The following C2orf15 variants were observed in gnomAD, a reference collection of about 807,000 sequenced individuals.
C2orf15 encodes uncharacterized protein C2orf15.
Under a neutral mutation model 4.4 loss-of-function variants are expected in C2orf15, and 3 were observed. The ratio of observed to expected loss-of-function variants is 0.67; its 90% CI spans 0.31 to 1.74. The LOEUF (loss-of-function observed/expected upper bound fraction) is 1.74, where lower values mean the gene tolerates loss of function less well. Among genes scored for constraint, C2orf15 ranks in the 40% most tolerant of loss-of-function variants. The pLI is 0.09. For synonymous variants in C2orf15, 37 were observed against 36.8 expected (o/e 1.00, Z -0.02); for missense variants, 90 against 103.3 (o/e 0.87, Z 0.56).
At chr2:99,150,262 G>T (rs914149144) in intron 3 of C2orf15, among the ~76,000 whole-genome samples, 2 of 152,166 alleles carry the variant, frequency 1.3e-5, no homozygotes, top group African/African-American at 4.8e-5. Context: ...TCTGAAAGGT[G>T]ATAAAACATA....
chr2:99,147,185 G>T, intron 2 of C2orf15: 1 of 365,838 alleles, frequency 2.7e-6, no homozygotes, highest in Non-Finnish European at 4.8e-6. Flanking sequence ...TTTTCTGATA[G>T]GGATGAGGTC....
At chr2:99,144,979 C>T (rs1184561740) in intron 2 of C2orf15, among the ~76,000 whole-genome samples, 1 of 152,156 alleles carries the variant, frequency 6.6e-6, no homozygotes, top group African/African-American at 2.4e-5. Context: ...AACAATTTAC[C>T]ACACACTTGG....
intron 3 of C2orf15, among the ~76,000 whole-genome samples, chr2:99,149,841 G>A (rs1331536824): frequency 1.4e-5 from 2 of 147,780 alleles, no homozygotes; most frequent in Non-Finnish European, 3.0e-5. Flanking sequence ...CGCCCAGGCT[G>A]GAGTGCAGTG....
intron 2 of C2orf15, among the ~76,000 whole-genome samples, chr2:99,145,212 C>T (rs2093619908): frequency 6.6e-6 from 1 of 152,114 alleles, no homozygotes; most frequent in Non-Finnish European, 1.5e-5. Context: ...CAGTCAAGTC[C>T]TCCTCACATT....
rs560327126 is a variant in C2orf15 at position 99,148,420 on chromosome 2, A to T, written c.-77+927A>T. ...AAAAAATTTAGCTAAGTTGTATTTG[A>T]GTCCCAGAAAGCCAAATATATACTA... On this transcript the variant is annotated intron_variant, in intron 3 of 3. Coordinates refer to ENST00000650052, the MANE Select transcript of C2orf15 (RefSeq NM_144706.4). 3.3e-4 allele frequency: 50 copies of T among 152,288 alleles called. No homozygotes were observed. In the South Asian group the frequency reaches 0.01, roughly 31 times the overall value. 9.4% of individuals were successfully genotyped at this position (152,288 alleles called of 1,614,324 possible). A position where few individuals can be genotyped will look rare whatever the true frequency, so the allele number is the denominator to read the frequency against.
intron 2 of C2orf15, among the ~76,000 whole-genome samples, chr2:99,143,646 T>C (rs1240381343): frequency 6.6e-6 from 1 of 151,852 alleles, no homozygotes; most frequent in African/African-American, 2.4e-5. Context: ...AATTTTTGTA[T>C]GTTTTTGTAG....
intron 3 of C2orf15, 138 bp downstream of exon 3, chr2:99,147,631 TAG>T (rs1195242153): frequency 4.0e-6 from 3 of 758,358 alleles, no homozygotes; most frequent in East Asian, 2.6e-5. Flanking sequence ...TGCCATGTTT[TAG>T]AGTTTTGTGT....
In C2orf15 at chr2:99,141,743, T is replaced by G. The variant is rs934430464; in HGVS notation, c.-480T>G. Reference sequence around the variant, plus strand: ...CCGCCTTCCCTCAGCTTGAAACACCTGCTGCTTCGCGGCGGTGGCTTTGTG... The same window carrying G: ...CCGCCTTCCCTCAGCTTGAAACACCGGCTGCTTCGCGGCGGTGGCTTTGTG... On this transcript the variant is annotated 5_prime_UTR_variant, in exon 1 of 4. Coordinates refer to ENST00000650052, the MANE Select transcript of C2orf15 (RefSeq NM_144706.4). 1 of 152,916 alleles carries G rather than the reference T, an allele frequency of 6.5e-6. No homozygotes were observed. The highest frequency in any genetic ancestry group is 1.9e-4 in the East Asian group (1 of 5,202). The allele number at this position is 152,916 out of a possible 1,614,324, so 9.5% of individuals were successfully genotyped here.
chr2:99,149,482 G>A (rs1373544357), intron 3 of C2orf15, among the ~76,000 whole-genome samples: 3 of 136,116 alleles, frequency 2.2e-5, no homozygotes, highest in South Asian at 2.3e-4. Flanking sequence ...TCGCTCTGTC[G>A]CCCAGGCTGG....
At chr2:99,146,685 A>G (rs938930051) in intron 2 of C2orf15, among the ~76,000 whole-genome samples, 5 of 151,978 alleles carry the variant, frequency 3.3e-5, no homozygotes, top group Non-Finnish European at 7.4e-5. Flanking sequence ...CTGGAGTGCA[A>G]TGGTATGATC....
chr2:99,150,677 T>G lies in C2orf15; in HGVS notation c.119T>G (p.Leu40Ter). 6.2e-7 allele frequency: 1 copy of G among 1,614,092 alleles called. No individual in the cohort carries two copies. Reference sequence around the variant, plus strand: ...AGCAGGTTGGAACCAGCGACTCAGTTATTTCAAAACACCAAGAAAATAAGA... The same window carrying G: ...AGCAGGTTGGAACCAGCGACTCAGTGATTTCAAAACACCAAGAAAATAAGA... ...EKSRLEPATQ[L>*]FQNTKKIRLE... Residue 40 changes from leucine (L) to a stop codon, truncating the protein, a stop_gained, in exon 4 of 4, where the codon TTA becomes TGA. Coordinates refer to ENST00000650052, the MANE Select transcript of C2orf15 (RefSeq NM_144706.4). LOFTEE classifies it high-confidence loss of function.
intron 1 of C2orf15, 96 bp from the exon 2 acceptor site, chr2:99,142,189 A>T (rs114951816): frequency 6.6e-6 from 1 of 152,246 alleles, no homozygotes; most frequent in African/African-American, 2.4e-5. Context: ...GGGGGAAAAA[A>T]GTCTTCTTAA....
chr2:99,149,591 C>T (rs1288875964), intron 3 of C2orf15, among the ~76,000 whole-genome samples: 3 of 149,688 alleles, frequency 2.0e-5, no homozygotes, highest in Non-Finnish European at 3.0e-5. Flanking sequence ...TACAGGTGCC[C>T]GCCACCACGC....
Position 99,151,107 on chromosome 2 carries a change from G to A in C2orf15, c.*273G>A, listed in dbSNP as rs923198051. ...TAAAAACCAGAGTTTTTAAGTAACA[G>A]TATTTGAATGGCATCAAAACATTTT... is the stretch of plus-strand genomic sequence containing the variant. On this transcript the variant is annotated 3_prime_UTR_variant, in exon 4 of 4. Transcript: ENST00000650052. 23 of 266,898 alleles carry A rather than the reference G, an allele frequency of 8.6e-5. No homozygotes were observed. The East Asian group carries it at 1.2e-3, about 14-fold the overall frequency. 16.5% of individuals were successfully genotyped at this position (266,898 alleles called of 1,614,324 possible).
chr2:99,147,540 T>C, intron 3 of C2orf15, 47 bp downstream of exon 3: 1 of 1,538,240 alleles, frequency 6.5e-7, no homozygotes, highest in East Asian at 2.3e-5. Flanking sequence ...TGGTTCCTCC[T>C]CAGTCCTTTT....
intron 3 of C2orf15, among the ~76,000 whole-genome samples, chr2:99,149,868 C>G (rs1452763840): frequency 1.4e-5 from 2 of 147,274 alleles, no homozygotes. Flanking sequence ...TATTGGCTCA[C>G]TGCAACCTCC....
rs1291157889 is a variant in C2orf15, at chr2:99,150,587, C to T, written c.29C>T (p.Thr10Ile). 6.2e-7 allele frequency: 1 copy of T among 1,613,314 alleles called. No individual in the cohort carries two copies. The highest frequency in any genetic ancestry group is 8.5e-7 in the Non-Finnish European group (1 of 1,179,610). The stretch of plus-strand genomic sequence containing the variant: ...GGATTTTCACTTAGTAAATCTGCTA[C>T]TCAGGTATCTGCTATACATATGGAT... Reference protein sequence around the residue: MGFSLSKSATQVSAIHMDSK... With the variant: MGFSLSKSAIQVSAIHMDSK... Residue 10 changes from threonine (T) to isoleucine (I), a missense_variant, in exon 4 of 4, where the codon ACT (threonine) becomes ATT (isoleucine). By Grantham distance (89) the Thr-to-Ile change is moderately conservative. Coordinates refer to ENST00000650052, the MANE Select transcript of C2orf15 (RefSeq NM_144706.4).
In C2orf15 at chr2:99,147,489, TTAAGG is replaced by T. The variant is rs1255761019; in HGVS notation, c.-77+1_-77+5del. 9 of 1,613,912 alleles carry T rather than the reference TTAAGG, an allele frequency of 5.6e-6. No homozygotes were observed. The highest frequency in any genetic ancestry group is 3.3e-5 in the Admixed American group (2 of 60,006). On this transcript the variant is annotated splice_donor_variant and 5_prime_UTR_variant, in exon 3 of 4. Transcript: ENST00000650052. LOFTEE classifies it low-confidence loss of function (5UTR_SPLICE). The stretch of plus-strand genomic sequence containing the variant: ...CTTCATGTCCTCAACTCTGGGGAAG[TTAAGG>T]TAAGACTCACAGGGCCAAGTCTACC...
rs988562746 is a variant in C2orf15, at chr2:99,150,725, A to C, written c.167A>C (p.Asn56Thr). The change falls in exon 4 of 4, where the codon AAC becomes ACC. Residue 56 changes from asparagine (N) to threonine (T), a missense_variant. By Grantham distance (65) the Asn-to-Thr change is moderately conservative (BLOSUM62 0). Transcript: ENST00000650052. ...AGATTAGAAGACACAAATCAAGAAAACTTTACAAGGATTGAAGGGACTGGC... is the reference window on the plus strand; with the variant it reads ...AGATTAGAAGACACAAATCAAGAAACCTTTACAAGGATTGAAGGGACTGGC... ...KIRLEDTNQENFTRIEGTGTG... is the reference protein window; with the variant it reads ...KIRLEDTNQETFTRIEGTGTG... 3.1e-6 allele frequency: 5 copies of C among 1,613,958 alleles called. No homozygotes were observed. Among genetic ancestry groups the C allele is most frequent in the Non-Finnish European group, 4.2e-6 (5 of 1,179,992 alleles).
Sources: allele counts gnomAD v4.1 joint callset (sites outside exome capture counted in the v4.1 genomes callset), GRCh38; gene constraint gnomAD v4.1.1; transcripts MANE v1.5; gene names NCBI Gene and HGNC (gene_info 2026-07-23, HGNC 2026-07-21).